PXDN: variants seen among roughly 807,000 people sequenced by gnomAD.
PXDN encodes the protein peroxidasin.
In PXDN, 77 loss-of-function variants were observed where a neutral mutation model predicts 140.3. That is an observed-to-expected ratio of 0.55 (90% CI 0.46 to 0.66). PXDN has a LOEUF of 0.66. PXDN is among the 30% of genes least tolerant of loss of function. The probability of loss-of-function intolerance (pLI) is 0.00; values close to 1 mark genes in which losing one functional copy is unlikely to be tolerated. For missense variants in PXDN, 1,838 were observed against 2,039.5 expected (o/e 0.90, Z 1.90); for synonymous variants, 911 against 857.4 (o/e 1.06, Z -1.09).
intron 3 of PXDN, among the ~76,000 whole-genome samples, chr2:1,688,832 G>A (rs1196311795): frequency 0.015 from 2,352 of 152,046 alleles, 38 homozygotes; most frequent in Admixed American, 0.039. Context: ...TTGTCTTAAT[G>A]CTTATAATAT....
intron 18 of PXDN, 127 bp from the exon 19 acceptor site, chr2:1,643,703 CACTTAAAAATGG>C: frequency 1.0e-6 from 1 of 955,266 alleles, no homozygotes; most frequent in Admixed American, 2.2e-5. Context: ...GATTAGGTGT[CACTTAAAAATGG>C]ACTCACACAC....
intron 1 of PXDN, among the ~76,000 whole-genome samples, chr2:1,715,445 A>C (rs949103259): frequency 5.9e-5 from 9 of 152,338 alleles, no homozygotes; most frequent in African/African-American, 2.2e-4. Flanking sequence ...GATGAAGAGA[A>C]GGGGGAACTC....
In PXDN at chr2:1,744,489, G is replaced by T; in HGVS notation, c.-34C>A. 2 of 1,391,516 alleles carry T rather than the reference G, an allele frequency of 1.4e-6. No individual in the cohort carries two copies. Among genetic ancestry groups the T allele is most frequent in the Non-Finnish European group, 1.8e-6 (2 of 1,082,470 alleles). 86.2% of individuals were successfully genotyped at this position (1,391,516 alleles called of 1,614,324 possible). A position where few individuals can be genotyped will look rare whatever the true frequency, so the allele number is the denominator to read the frequency against. On this transcript the variant is annotated 5_prime_UTR_variant, in exon 1 of 23. Coordinates refer to ENST00000252804, the MANE Select transcript of PXDN (RefSeq NM_012293.3). ...GCGCGGACGGACGCTCGGACGCACG[G>T]AGCCACCACGGCCGGCTCCCGACTG...
At chr2:1,740,335 G>A (rs2125497438) in intron 1 of PXDN, among the ~76,000 whole-genome samples, 1 of 152,308 alleles carries the variant, frequency 6.6e-6, no homozygotes, top group South Asian at 2.1e-4. Context: ...GTTCTCCAAG[G>A]GAGGTCAGGG....
At position 1,702,980 on chromosome 2, in the gene PXDN, C is replaced by A. The variant is rs181077531; in HGVS notation, c.201-9846G>T. ...TTCAGTCTAGAAAGGCGGGACAACT[C>A]CAGGTGAAGGGGGGGACAACTCCAG... On this transcript the variant is annotated intron_variant, in intron 1 of 22. Coordinates refer to ENST00000252804, the MANE Select transcript of PXDN (RefSeq NM_012293.3). 5.1e-3 allele frequency among the ~76,000 whole-genome samples: 518 copies of A among 102,204 alleles called. 14 individuals carry two copies. The highest frequency in any genetic ancestry group is 5.7e-3 in the Non-Finnish European group (277 of 48,590). 67.0% of individuals were successfully genotyped at this position (102,204 alleles called of 152,430 possible).
At chr2:1,728,481 G>A (rs369931822) in intron 1 of PXDN, among the ~76,000 whole-genome samples, 1 of 152,212 alleles carries the variant, frequency 6.6e-6, no homozygotes, top group Non-Finnish European at 1.5e-5. Flanking sequence ...CTGCGGACAG[G>A]CGCAGAATGG....
At chr2:1,667,308 T>C (rs1049064556) in intron 9 of PXDN, among the ~76,000 whole-genome samples, 1 of 151,950 alleles carries the variant, frequency 6.6e-6, no homozygotes, top group African/African-American at 2.4e-5. Flanking sequence ...GCCAGACTAA[T>C]AAAGAAAGAG....
In PXDN at chr2:1,735,725, A is replaced by C. The variant is rs575440407; in HGVS notation, c.200+8531T>G. 2.6e-5 allele frequency among the ~76,000 whole-genome samples: 4 copies of C among 152,322 alleles called. No individual in the cohort carries two copies. In the South Asian group the frequency reaches 8.3e-4, roughly 32 times the overall value. ...TAAGACCCTAGGGTTGGGGAATGGT[A>C]AATGAGCACTGGCTTCAGTTTAAAG... On this transcript the variant is annotated intron_variant, in intron 1 of 22. Coordinates refer to ENST00000252804, the MANE Select transcript of PXDN (RefSeq NM_012293.3).
At chr2:1,680,127 T>A in intron 7 of PXDN, 66 bp downstream of exon 7, 1 of 1,464,556 alleles carries the variant, frequency 6.8e-7, no homozygotes. Flanking sequence ...AGATGGTGTG[T>A]GTGTGGATGG....
intron 1 of PXDN, among the ~76,000 whole-genome samples, chr2:1,743,216 G>A (rs558004615): frequency 5.9e-5 from 9 of 152,346 alleles, no homozygotes; most frequent in African/African-American, 2.2e-4. Flanking sequence ...AGACCGTGAC[G>A]CGGGACGGCC....
chr2:1,701,300 T>C (rs376746215), intron 1 of PXDN, among the ~76,000 whole-genome samples: 2 of 152,202 alleles, frequency 1.3e-5, no homozygotes, highest in East Asian at 3.9e-4. Flanking sequence ...GGGGTGAATG[T>C]CAGGAAGTCT....
At chr2:1,741,732 T>G (rs10203621) in intron 1 of PXDN, among the ~76,000 whole-genome samples, 5 of 152,050 alleles carry the variant, frequency 3.3e-5, no homozygotes, top group African/African-American at 1.2e-4. Flanking sequence ...GGGCAGGTTT[T>G]TTTTTAAATT....
At chr2:1,736,413 G>C (rs1479488022) in intron 1 of PXDN, among the ~76,000 whole-genome samples, 1 of 152,200 alleles carries the variant, frequency 6.6e-6, no homozygotes, top group South Asian at 2.1e-4. Flanking sequence ...GAGAGATGGA[G>C]GGACGGCCAG....
chr2:1,710,625 CCACCAGCACCCACTCT>C (rs1553368255), intron 1 of PXDN, among the ~76,000 whole-genome samples: 1 of 113,314 alleles, frequency 8.8e-6, no homozygotes, highest in Admixed American at 8.7e-5. Flanking sequence ...CACCCACTCT[CCACCAGCACCCACTCT>C]ATGAACACCC....
chr2:1,725,378 A>T (rs986089501), intron 1 of PXDN, among the ~76,000 whole-genome samples: 6 of 152,170 alleles, frequency 3.9e-5, no homozygotes, highest in Non-Finnish European at 7.3e-5. Context: ...AGCCATATGT[A>T]GAAAGCTGAA....
rs779818173 is a variant in PXDN at position 1,692,110 on chromosome 2, A to G, written c.273-111T>C. The G allele has an allele frequency of 9.2e-6, 7 of 762,816 alleles. No homozygotes were observed. The East Asian group carries it at 1.4e-4, about 15-fold the overall frequency. 47.3% of individuals were successfully genotyped at this position (762,816 alleles called of 1,614,324 possible). On this transcript the variant is annotated intron_variant, in intron 2 of 22. Transcript: ENST00000252804. Reference sequence around the variant, plus strand: ...AAGGTCACATTGACAATTCAGTTACAGCCTCGCCATCAACATTCAACGAAC... The same window carrying G: ...AAGGTCACATTGACAATTCAGTTACGGCCTCGCCATCAACATTCAACGAAC...
chr2:1,634,362 G>A (rs1441081678), intron 22 of PXDN, 39 bp from the exon 23 acceptor site: 15 of 1,545,374 alleles, frequency 9.7e-6, no homozygotes, highest in Non-Finnish European at 1.3e-5. Context: ...TCAGCTCTGG[G>A]ATGGCCTTCA....
chr2:1,658,124 T>A (rs1683209450), intron 14 of PXDN, among the ~76,000 whole-genome samples: 1 of 147,796 alleles, frequency 6.8e-6, no homozygotes, highest in African/African-American at 2.5e-5. Flanking sequence ...CCACTCTCAG[T>A]GTCTTTTTGC....
At chr2:1,638,141 A>G (rs1682618914) in intron 21 of PXDN, among the ~76,000 whole-genome samples, 1 of 152,162 alleles carries the variant, frequency 6.6e-6, no homozygotes, top group Non-Finnish European at 1.5e-5. Context: ...GTGCTTACAG[A>G]TTAAATGTGC....
Sources: allele counts gnomAD v4.1 joint callset (sites outside exome capture counted in the v4.1 genomes callset), GRCh38; gene constraint gnomAD v4.1.1; transcripts MANE v1.5; gene names NCBI Gene and HGNC (gene_info 2026-07-23, HGNC 2026-07-21).